SYNPO2: variants seen among roughly 807,000 people sequenced by gnomAD.
SYNPO2 encodes synaptopodin-2.
In SYNPO2, 56 loss-of-function variants were observed where a neutral mutation model predicts 85.0. That is an observed-to-expected ratio of 0.66 (90% CI 0.53 to 0.82). The LOEUF (loss-of-function observed/expected upper bound fraction) is 0.82, where lower values mean the gene tolerates loss of function less well. SYNPO2 is among the 40% of genes least tolerant of loss of function. The pLI is 0.00. For missense variants in SYNPO2, 1,575 were observed against 1,534.2 expected, an observed-to-expected ratio of 1.03 and a Z score of -0.44; for synonymous variants, 602 against 591.1, an observed-to-expected ratio of 1.02 and a Z score of -0.27.
At chr4:118,975,310 A>T (rs1349376204) in intron 1 of SYNPO2, among the ~76,000 whole-genome samples, 7 of 152,194 alleles carry the variant, frequency 4.6e-5, no homozygotes, top group Non-Finnish European at 7.3e-5. Flanking sequence ...ACTAATCAAC[A>T]AGTAGAATAG....
At chr4:118,853,240 C>T (rs572734215) in intron 1 of SYNPO2, among the ~76,000 whole-genome samples, 67 of 152,260 alleles carry the variant, frequency 4.4e-4, no homozygotes, top group Non-Finnish European at 3.4e-4. Flanking sequence ...AGTAGGTTCT[C>T]AACAGATGTT....
chr4:118,915,379 A>G (rs1733281607), intron 1 of SYNPO2, among the ~76,000 whole-genome samples: 1 of 152,168 alleles, frequency 6.6e-6, no homozygotes, highest in Non-Finnish European at 1.5e-5. Flanking sequence ...TTGAATATTT[A>G]CACATTCCTA....
chr4:118,864,246 A>T (rs1418237177), intron 1 of SYNPO2, among the ~76,000 whole-genome samples: 1 of 152,064 alleles, frequency 6.6e-6, no homozygotes. Context: ...TTTAATTTCC[A>T]TGTGTTTGTA....
intron 1 of SYNPO2, among the ~76,000 whole-genome samples, chr4:118,938,155 T>C (rs1353690214): frequency 6.6e-6 from 1 of 151,928 alleles, no homozygotes; most frequent in Admixed American, 6.6e-5. Context: ...ATACAAAAAA[T>C]TAGCCAGGCG....
At chr4:118,924,439 G>A (rs893502751) in intron 1 of SYNPO2, among the ~76,000 whole-genome samples, 2 of 152,168 alleles carry the variant, frequency 1.3e-5, no homozygotes, top group Non-Finnish European at 2.9e-5. Context: ...CCTTAAGAGG[G>A]TGGAAATATT....
intron 1 of SYNPO2, among the ~76,000 whole-genome samples, chr4:119,000,649 T>C (rs1445792234): frequency 6.6e-6 from 1 of 152,166 alleles, no homozygotes; most frequent in Non-Finnish European, 1.5e-5. Context: ...CTTCATACCA[T>C]GGCCATATTT....
At chr4:118,930,600 G>T (rs1050194800) in intron 1 of SYNPO2, among the ~76,000 whole-genome samples, 2 of 151,984 alleles carry the variant, frequency 1.3e-5, no homozygotes, top group African/African-American at 4.8e-5. Context: ...TTCTATCTGG[G>T]TGTATTGCCT....
At chr4:118,851,224 G>T (rs1025919468) in intron 1 of SYNPO2, among the ~76,000 whole-genome samples, 7 of 152,148 alleles carry the variant, frequency 4.6e-5, no homozygotes, top group African/African-American at 1.4e-4. Flanking sequence ...CATTATTTAA[G>T]ACAGTCTTTC....
chr4:118,966,666 A>G (rs1263756505), intron 1 of SYNPO2, among the ~76,000 whole-genome samples: 1 of 152,144 alleles, frequency 6.6e-6, no homozygotes. Context: ...ATACACACAC[A>G]TACTTCTGGG....
At chr4:118,879,273 T>C (rs552057125) in intron 1 of SYNPO2, among the ~76,000 whole-genome samples, 1 of 152,290 alleles carries the variant, frequency 6.6e-6, no homozygotes, top group South Asian at 2.1e-4. Context: ...ATGAACCAAT[T>C]CTGAACACAG....
chr4:118,924,587 C>A (rs899261153), intron 1 of SYNPO2, among the ~76,000 whole-genome samples: 1 of 152,196 alleles, frequency 6.6e-6, no homozygotes, highest in Non-Finnish European at 1.5e-5. Flanking sequence ...CCCACATATA[C>A]CCATCTTTTC....
In SYNPO2 at chr4:119,030,593, C is replaced by A. The variant is rs749655179; in HGVS notation, c.1818C>A (p.Thr606=). Reference sequence around the variant, plus strand: ...AGCCAGCTACCCCCTTCTCGCCAACCCGAAACATGACGAGTCCCATTGCTG... The same window carrying A: ...AGCCAGCTACCCCCTTCTCGCCAACACGAAACATGACGAGTCCCATTGCTG... ...VNQPATPFSP[T]RNMTSPIADF... The change falls in exon 4 of 5, where the codon ACC becomes ACA. Residue 606 remains threonine, a synonymous_variant. Coordinates refer to ENST00000307142, the MANE Select transcript of SYNPO2 (RefSeq NM_133477.3). 28 of 1,613,998 alleles carry A rather than the reference C, an allele frequency of 1.7e-5. No individual in the cohort carries two copies. Among genetic ancestry groups the A allele is most frequent in the Non-Finnish European group, 2.1e-5 (25 of 1,180,046 alleles).
chr4:118,949,587 A>C (rs1167116367), intron 1 of SYNPO2, among the ~76,000 whole-genome samples: 1 of 151,744 alleles, frequency 6.6e-6, no homozygotes, highest in Non-Finnish European at 1.5e-5. Flanking sequence ...CTAAAAAAAA[A>C]AAAAAACAAA....
At chr4:118,981,963 AC>A (rs1276502207) in intron 1 of SYNPO2, among the ~76,000 whole-genome samples, 1 of 152,178 alleles carries the variant, frequency 6.6e-6, no homozygotes, top group African/African-American at 2.4e-5. Flanking sequence ...AGACTAGACC[AC>A]TTGAGGGCGG....
At chr4:118,953,209 C>A (rs1244000846) in intron 1 of SYNPO2, among the ~76,000 whole-genome samples, 1 of 152,154 alleles carries the variant, frequency 6.6e-6, no homozygotes, top group Non-Finnish European at 1.5e-5. Context: ...GTTGATTTAT[C>A]CAAACGATGT....
intron 4 of SYNPO2, among the ~76,000 whole-genome samples, chr4:119,053,487 C>T (rs577808255): frequency 6.6e-6 from 1 of 152,294 alleles, no homozygotes; most frequent in South Asian, 2.1e-4. Flanking sequence ...GCTGGTTGCT[C>T]TTCTTTCCTC....
At chr4:119,045,711 A>G (rs576429720) in intron 4 of SYNPO2, among the ~76,000 whole-genome samples, 1 of 152,348 alleles carries the variant, frequency 6.6e-6, no homozygotes, top group South Asian at 2.1e-4. Context: ...TGTTTGAACC[A>G]ATTAAACTAG....
intron 4 of SYNPO2, among the ~76,000 whole-genome samples, chr4:119,041,823 C>G (rs774418892): frequency 1.3e-5 from 2 of 152,100 alleles, no homozygotes; most frequent in Non-Finnish European, 2.9e-5. Flanking sequence ...TAAGATTTCC[C>G]CACCTTAGAG....
At chr4:119,037,700 A>T in intron 4 of SYNPO2, 2 of 962,604 alleles carry the variant, frequency 2.1e-6, no homozygotes, top group African/African-American at 1.8e-5. Context: ...AATATTTTAC[A>T]TAAGTTTTGA....
Sources: gnomAD v4.1 joint callset for allele counts (sites outside exome capture counted in the v4.1 genomes callset) on GRCh38, gnomAD v4.1.1 for gene constraint, MANE v1.5 for transcripts, NCBI Gene and HGNC (gene_info 2026-07-23, HGNC 2026-07-21) for gene names.